Variants in ITPR2 observed in about 807,000 individuals in gnomAD.
The protein encoded by ITPR2 is inositol 1,4,5-trisphosphate receptor type 2.
Under a neutral mutation model 317.1 loss-of-function variants are expected in ITPR2, and 207 were observed. The ratio of observed to expected loss-of-function variants is 0.65; its 90% CI spans 0.58 to 0.73. The LOEUF is 0.73. Ranked by LOEUF, ITPR2 falls within the 30% of genes least tolerant of loss-of-function variation. The probability of loss-of-function intolerance (pLI) is 0.00; values close to 1 mark genes in which losing one functional copy is unlikely to be tolerated. For missense variants in ITPR2, 2,613 were observed against 3,284.0 expected, an observed-to-expected ratio of 0.80 and a Z score of 4.99; for synonymous variants, 1,156 against 1,149.1, an observed-to-expected ratio of 1.01 and a Z score of -0.12.
At chr12:26,653,009 G>A (rs1947290013) in intron 21 of ITPR2, among the ~76,000 whole-genome samples, 1 of 152,128 alleles carries the variant, frequency 6.6e-6, no homozygotes, top group Non-Finnish European at 1.5e-5. Flanking sequence ...CTCAATTCTT[G>A]CAAGGAAACT....
chr12:26,337,333 A>T lies in ITPR2; in HGVS notation c.*2064T>A, dbSNP rs956371703. ...TCTCTTGACCTCTAGTTCAGATGTC[A>T]GAAATATTTTGTACTAAAACAGAGA... On this transcript the variant is annotated 3_prime_UTR_variant, in exon 57 of 57. Transcript: ENST00000381340. 6.6e-5 allele frequency: 10 copies of T among 152,248 alleles called. No homozygotes were observed. Among genetic ancestry groups the T allele is most frequent in the Non-Finnish European group, 1.5e-4 (10 of 68,040 alleles). The allele number at this position is 152,248 out of a possible 1,614,324, so 9.4% of individuals were successfully genotyped here.
intron 43 of ITPR2, among the ~76,000 whole-genome samples, chr12:26,479,948 G>A (rs1443883303): frequency 6.6e-6 from 1 of 152,074 alleles, no homozygotes. Flanking sequence ...TGCTTACTAA[G>A]AGCCTTTAGC....
intron 10 of ITPR2, among the ~76,000 whole-genome samples, chr12:26,694,750 C>T (rs1320876416): frequency 6.6e-6 from 1 of 152,046 alleles, no homozygotes; most frequent in Non-Finnish European, 1.5e-5. Flanking sequence ...AGAGAAGAGC[C>T]CACCCAGTGC....
chr12:26,721,511 A>AT (rs1389701445), intron 5 of ITPR2, among the ~76,000 whole-genome samples: 4 of 152,164 alleles, frequency 2.6e-5, no homozygotes, highest in African/African-American at 9.6e-5. Flanking sequence ...ATTCATGTTA[A>AT]TTTTTTTAAA....
At chr12:26,621,410 A>ACTTCT in intron 25 of ITPR2, 114 bp from the exon 26 acceptor site, 3 of 630,032 alleles carry the variant, frequency 4.8e-6, no homozygotes, top group Non-Finnish European at 7.5e-6. Context: ...GTGAACACTT[A>ACTTCT]ACCAGTATTT....
intron 1 of ITPR2, among the ~76,000 whole-genome samples, chr12:26,802,402 C>T (rs1190628952): frequency 6.6e-6 from 1 of 151,968 alleles, no homozygotes; most frequent in East Asian, 1.9e-4. Flanking sequence ...AATGCTAGCA[C>T]TTTGCGAGGC....
At chr12:26,531,378 A>G (rs1167297948) in intron 37 of ITPR2, among the ~76,000 whole-genome samples, 1 of 152,192 alleles carries the variant, frequency 6.6e-6, no homozygotes, top group Non-Finnish European at 1.5e-5. Context: ...TATCACATAC[A>G]CTGGTCATGT....
intron 46 of ITPR2, among the ~76,000 whole-genome samples, chr12:26,442,983 A>C (rs1371117605): frequency 2.0e-5 from 3 of 152,152 alleles, no homozygotes; most frequent in Non-Finnish European, 4.4e-5. Flanking sequence ...ACATAATGGT[A>C]AGTCCATTTT....
chr12:26,818,701 T>C (rs1950896795), intron 1 of ITPR2, among the ~76,000 whole-genome samples: 1 of 152,024 alleles, frequency 6.6e-6, no homozygotes, highest in Middle Eastern at 3.4e-3. Flanking sequence ...AAAATTCCTT[T>C]TTTTTTTTAC....
chr12:26,458,242 T>A (rs2136776614), intron 45 of ITPR2, among the ~76,000 whole-genome samples: 1 of 152,270 alleles, frequency 6.6e-6, no homozygotes, highest in Middle Eastern at 3.4e-3. Context: ...AGTGAGCAGC[T>A]CTGCCAGGCT....
chr12:26,622,458 C>A, intron 24 of ITPR2, 53 bp from the exon 25 acceptor site: 2 of 1,360,732 alleles, frequency 1.5e-6, no homozygotes, highest in Non-Finnish European at 2.0e-6. Context: ...AACATCTACA[C>A]TTCAGTATTA....
At chr12:26,424,382 A>G (rs933797215) in intron 49 of ITPR2, among the ~76,000 whole-genome samples, 19 of 152,124 alleles carry the variant, frequency 1.2e-4, no homozygotes, top group African/African-American at 4.6e-4. Flanking sequence ...TATTTCTGAT[A>G]CCTATAGTTT....
intron 9 of ITPR2, among the ~76,000 whole-genome samples, chr12:26,709,383 C>T (rs934145942): frequency 3.9e-5 from 6 of 152,144 alleles, no homozygotes; most frequent in African/African-American, 1.2e-4. Flanking sequence ...ATGGATGAGA[C>T]GGCACCTGGC....
rs146809815 is a variant in ITPR2 at position 26,777,940 on chromosome 12, G to T, written c.163+12217C>A. 8.1e-3 allele frequency among the ~76,000 whole-genome samples: 1,229 copies of T among 152,326 alleles called. 14 individuals carry two copies. Among genetic ancestry groups the T allele is most frequent in the African/African-American group, 0.028 (1,155 of 41,570 alleles). On this transcript the variant is annotated intron_variant, in intron 2 of 56. Transcript: ENST00000381340. ...TTAGGGACTGCTGGACACTGGCTCT[G>T]AGCTGACATTGATTCCAGGGGACCC...
intron 34 of ITPR2, among the ~76,000 whole-genome samples, chr12:26,573,024 T>TATTG (rs1945200112): frequency 6.6e-6 from 1 of 151,450 alleles, no homozygotes; most frequent in Non-Finnish European, 1.5e-5. Context: ...TTTATTTATT[T>TATTG]ATTTATTTAT....
chr12:26,678,334 T>C (rs1489995226), intron 13 of ITPR2, among the ~76,000 whole-genome samples: 2 of 152,036 alleles, frequency 1.3e-5, no homozygotes, highest in East Asian at 3.9e-4. Context: ...ATATCTAATG[T>C]TGAGGGTCTT....
chr12:26,603,741 TA>T (rs1280599862), intron 26 of ITPR2, among the ~76,000 whole-genome samples: 1 of 152,152 alleles, frequency 6.6e-6, no homozygotes, highest in Non-Finnish European at 1.5e-5. Flanking sequence ...AAAGGATGTT[TA>T]AATGAGCAGG....
chr12:26,734,376 T>G (rs555215761), intron 2 of ITPR2, among the ~76,000 whole-genome samples: 24 of 152,278 alleles, frequency 1.6e-4, no homozygotes, highest in African/African-American at 5.3e-4. Flanking sequence ...CCAGATTCCT[T>G]GCTGAAATTA....
In ITPR2 at chr12:26,602,443, T is replaced by C. The variant is rs1417773572; in HGVS notation, c.3605A>G (p.Gln1202Arg). The change falls in exon 28 of 57, where the codon CAA becomes CGA. Residue 1202 changes from glutamine (Q) to arginine (R), a missense_variant. Transcript: ENST00000381340. ...CATATTTTTCAGTAATCGTTGATGT[T>C]GATTCCGACACTTTTTATTCTGCAC... is the stretch of plus-strand genomic sequence containing the variant. ...LCVQNKKCRN[Q>R]HQRLLKNMGA... is the part of the protein sequence containing the mutation. 6.2e-7 allele frequency: 1 copy of C among 1,613,870 alleles called. No homozygotes were observed. The highest frequency in any genetic ancestry group is 8.5e-7 in the Non-Finnish European group (1 of 1,179,828).
Sources: gnomAD v4.1 joint callset for allele counts (sites outside exome capture counted in the v4.1 genomes callset) on GRCh38, gnomAD v4.1.1 for gene constraint, MANE v1.5 for transcripts, NCBI Gene and HGNC (gene_info 2026-07-23, HGNC 2026-07-21) for gene names.